The following ZCWPW2 variants were observed in gnomAD, a reference collection of about 807,000 sequenced individuals.
ZCWPW2 encodes the protein zinc finger CW-type and PWWP domain containing 2, also known as zinc finger CW-type PWWP domain protein 2.
A neutral mutation model predicts 46.6 loss-of-function variants in ZCWPW2; 45 were observed. The observed-to-expected ratio is 0.96, with a 90% CI of 0.76 to 1.24. The LOEUF (loss-of-function observed/expected upper bound fraction) is 1.24. ZCWPW2 is among the 50% of genes most tolerant of loss of function. The probability of loss-of-function intolerance (pLI) is 0.00; values close to 1 mark genes in which losing one functional copy is unlikely to be tolerated. For synonymous variants in ZCWPW2, 152 were observed against 137.1 expected (o/e 1.11, Z -0.76); for missense variants, 429 against 403.9 (o/e 1.06, Z -0.53).
Position 28,452,451 on chromosome 3 carries a change from G to A in ZCWPW2, c.492+17182G>A, listed in dbSNP as rs537099045. Among the ~76,000 whole-genome samples, 14 of 152,054 alleles carry A rather than the reference G, an allele frequency of 9.2e-5. No homozygotes were observed. In the South Asian group the frequency reaches 2.5e-3, roughly 27 times the overall value. Reference sequence around the variant, plus strand: ...GCAGGGATTACAGGTGCCTGCCACCGTGCCTGGCTAATTTTTGTAGTTTTA... The same window carrying A: ...GCAGGGATTACAGGTGCCTGCCACCATGCCTGGCTAATTTTTGTAGTTTTA... On this transcript the variant is annotated intron_variant, in intron 4 of 9. Transcript: ENST00000383768.
At chr3:28,426,111 A>G (rs186658543) in intron 3 of ZCWPW2, among the ~76,000 whole-genome samples, 3 of 151,486 alleles carry the variant, frequency 2.0e-5, no homozygotes, top group Non-Finnish European at 4.4e-5. Context: ...CTCTGTCACA[A>G]AAAAAAATTA....
chr3:28,388,184 A>G (rs1393025963), intron 1 of ZCWPW2, among the ~76,000 whole-genome samples: 1 of 152,150 alleles, frequency 6.6e-6, no homozygotes, highest in African/African-American at 2.4e-5. Context: ...GTGGAAGACA[A>G]CCTGCTTGAC....
chr3:28,474,620 T>TGTGTGTGTGTGCGC (rs777191108), intron 4 of ZCWPW2, among the ~76,000 whole-genome samples: 54 of 121,694 alleles, frequency 4.4e-4, no homozygotes, highest in Non-Finnish European at 5.2e-4. Flanking sequence ...TGTGTGTGTG[T>TGTGTGTGTGTGCGC]GCGCGCGCGC....
chr3:28,447,601 C>T (rs980247933), intron 4 of ZCWPW2: 9 of 226,642 alleles, frequency 4.0e-5, no homozygotes, highest in Middle Eastern at 1.7e-3. Flanking sequence ...AGGAACAAAG[C>T]ACAGATGCCA....
At chr3:28,466,229 G>T (rs1026370435) in intron 4 of ZCWPW2, among the ~76,000 whole-genome samples, 6 of 152,048 alleles carry the variant, frequency 3.9e-5, no homozygotes, top group Non-Finnish European at 7.4e-5. Context: ...ACTACCTATT[G>T]GGTACCGTGC....
intron 6 of ZCWPW2, chr3:28,510,959 C>T (rs147889328): frequency 6.2e-5 from 26 of 422,278 alleles, no homozygotes; most frequent in African/African-American, 5.3e-4. Context: ...ACTAAGGGAA[C>T]CAGATTGAGT....
chr3:28,433,099 A>G (rs1241384372), intron 3 of ZCWPW2, among the ~76,000 whole-genome samples: 4 of 151,768 alleles, frequency 2.6e-5, no homozygotes, highest in Admixed American at 6.6e-5. Flanking sequence ...TCTTACACAC[A>G]CACACACACA....
At chr3:28,378,602 G>T (rs188863660) in intron 1 of ZCWPW2, among the ~76,000 whole-genome samples, 1 of 152,044 alleles carries the variant, frequency 6.6e-6, no homozygotes, top group African/African-American at 2.4e-5. Flanking sequence ...TGAAAATCTT[G>T]TAGGAAACGA....
At chr3:28,396,864 C>T (rs981091577) in intron 2 of ZCWPW2, among the ~76,000 whole-genome samples, 1 of 152,172 alleles carries the variant, frequency 6.6e-6, no homozygotes, top group Admixed American at 6.5e-5. Flanking sequence ...TGCAGTGGCT[C>T]ACACCTGTAA....
intron 3 of ZCWPW2, among the ~76,000 whole-genome samples, chr3:28,417,306 C>G (rs1696630380): frequency 6.6e-6 from 1 of 152,002 alleles, no homozygotes; most frequent in African/African-American, 2.4e-5. Flanking sequence ...CCTCCCAAGA[C>G]TAAACAAGAT....
intron 6 of ZCWPW2, among the ~76,000 whole-genome samples, chr3:28,504,837 C>T (rs1419234281): frequency 2.6e-5 from 4 of 152,166 alleles, no homozygotes; most frequent in Non-Finnish European, 4.4e-5. Context: ...CCATGGGGTT[C>T]GTCCCTCCCC....
intron 4 of ZCWPW2, among the ~76,000 whole-genome samples, chr3:28,451,378 A>G (rs1478090358): frequency 6.6e-6 from 1 of 152,240 alleles, no homozygotes; most frequent in Non-Finnish European, 1.5e-5. Context: ...GTTAGAATCC[A>G]TATATCAAGT....
intron 8 of ZCWPW2, among the ~76,000 whole-genome samples, chr3:28,517,941 G>A (rs1700616939): frequency 6.6e-6 from 1 of 151,984 alleles, no homozygotes; most frequent in Non-Finnish European, 1.5e-5. Context: ...TTCATGACGA[G>A]CCTGGCCAAC....
Position 28,441,165 on chromosome 3 carries a change from T to G in ZCWPW2, c.492+5896T>G, listed in dbSNP as rs139274019. On this transcript the variant is annotated intron_variant, in intron 4 of 9. Transcript: ENST00000383768. ...ACAGAACAGGGTCATCCTATCCACT[T>G]GATTTTTGAAATCCTTCTTTTCTGG... Among the ~76,000 whole-genome samples, 438 of 152,340 alleles carry G rather than the reference T, an allele frequency of 2.9e-3. 5 individuals carry two copies. The highest frequency in any genetic ancestry group is 9.8e-3 in the African/African-American group (408 of 41,576).
At chr3:28,420,024 T>C (rs1406673609) in intron 3 of ZCWPW2, among the ~76,000 whole-genome samples, 1 of 150,060 alleles carries the variant, frequency 6.7e-6, no homozygotes, top group African/African-American at 2.5e-5. Flanking sequence ...TGTATACATA[T>C]GTAACAAACC....
At chr3:28,506,816 A>G (rs1700290939) in intron 6 of ZCWPW2, among the ~76,000 whole-genome samples, 2 of 152,138 alleles carry the variant, frequency 1.3e-5, no homozygotes, top group South Asian at 2.1e-4. Flanking sequence ...CCTCGGTCAT[A>G]TGCTATAAAC....
intron 4 of ZCWPW2, among the ~76,000 whole-genome samples, chr3:28,446,147 G>A (rs1047413745): frequency 6.6e-6 from 1 of 151,936 alleles, no homozygotes; most frequent in African/African-American, 2.4e-5. Flanking sequence ...GAAATAGAGA[G>A]CTCAAACAAC....
intron 3 of ZCWPW2, among the ~76,000 whole-genome samples, chr3:28,432,897 C>CA: frequency 6.6e-6 from 1 of 152,286 alleles, no homozygotes; most frequent in African/African-American, 2.4e-5. Context: ...AGCACACCAT[C>CA]ATTCTATCCC....
chr3:28,385,595 G>C (rs569968377), intron 1 of ZCWPW2, among the ~76,000 whole-genome samples: 1 of 152,316 alleles, frequency 6.6e-6, no homozygotes, highest in Admixed American at 6.5e-5. Context: ...ACTAGCACCA[G>C]CTCCTTCTCT....
Sources: allele counts gnomAD v4.1 joint callset (sites outside exome capture counted in the v4.1 genomes callset), GRCh38; gene constraint gnomAD v4.1.1; transcripts MANE v1.5; gene names NCBI Gene and HGNC (gene_info 2026-07-23, HGNC 2026-07-21).